The following EDIL3 variants were observed in gnomAD, a reference collection of about 807,000 sequenced individuals.
EDIL3 encodes the protein EGF-like repeat and discoidin I-like domain-containing protein 3.
In EDIL3, 37 loss-of-function variants were observed where a neutral mutation model predicts 67.4. The observed-to-expected ratio is 0.55, with a 90% CI of 0.42 to 0.72. The LOEUF (loss-of-function observed/expected upper bound fraction) is 0.72, where lower values mean the gene tolerates loss of function less well. EDIL3 is among the 30% of genes least tolerant of loss of function. The pLI, the probability that EDIL3 is intolerant of heterozygous loss-of-function variation, is 0.00. For missense variants in EDIL3, 527 were observed against 586.3 expected (o/e 0.90, Z 1.04); for synonymous variants, 195 against 196.3 (o/e 0.99, Z 0.05).
At chr5:84,170,983 T>C (rs1561452258) in intron 4 of EDIL3, among the ~76,000 whole-genome samples, 1 of 151,932 alleles carries the variant, frequency 6.6e-6, no homozygotes, top group Admixed American at 6.6e-5. Context: ...TGAGGAGAGA[T>C]GGAGTTTCAC....
chr5:84,254,551 A>ATAAT (rs1561236449), intron 1 of EDIL3, among the ~76,000 whole-genome samples: 1 of 152,184 alleles, frequency 6.6e-6, no homozygotes, highest in Non-Finnish European at 1.5e-5. Flanking sequence ...AATTACTCTA[A>ATAAT]TAAATACCTT....
chr5:84,352,255 A>G (rs775144418), intron 1 of EDIL3, among the ~76,000 whole-genome samples: 48 of 152,168 alleles, frequency 3.2e-4, no homozygotes, highest in Non-Finnish European at 5.0e-4. Context: ...AGATAGAACT[A>G]CCATTTGATC....
intron 1 of EDIL3, among the ~76,000 whole-genome samples, chr5:84,361,538 G>C (rs1375274343): frequency 1.3e-5 from 2 of 151,844 alleles, no homozygotes; most frequent in Non-Finnish European, 2.9e-5. Flanking sequence ...TTCTTTAAAA[G>C]ATTCTATTAT....
rs140401415 is a variant in EDIL3 at position 84,024,764 on chromosome 5, G to A, written c.1137+35536C>T. Among the ~76,000 whole-genome samples the A allele has an allele frequency of 3.0e-4, 45 of 151,582 alleles. No homozygotes were observed. In the East Asian group the frequency reaches 7.7e-3, roughly 26 times the overall value. ...GGTAGCTCTAGGGTTGCTTAATTCA[G>A]GGGCCCATTAGCACCCTTAAGAACA... On this transcript the variant is annotated intron_variant, in intron 9 of 10. Transcript: ENST00000296591.
At chr5:84,050,494 G>A (rs554323638) in intron 9 of EDIL3, among the ~76,000 whole-genome samples, 92 of 152,320 alleles carry the variant, frequency 6.0e-4, no homozygotes, top group East Asian at 2.7e-3. Flanking sequence ...TGCACTGAGC[G>A]TGAGCTGAAG....
chr5:84,031,428 G>T (rs1280547960), intron 9 of EDIL3, among the ~76,000 whole-genome samples: 1 of 152,126 alleles, frequency 6.6e-6, no homozygotes, highest in Non-Finnish European at 1.5e-5. Context: ...ACAAATTTTG[G>T]ATACATTTTT....
At chr5:84,284,776 A>T (rs1265480557) in intron 1 of EDIL3, among the ~76,000 whole-genome samples, 1 of 152,210 alleles carries the variant, frequency 6.6e-6, no homozygotes, top group East Asian at 1.9e-4. Context: ...TCATACTTGG[A>T]AATAGACCCT....
chr5:84,219,210 ATTC>A (rs1480999550), intron 3 of EDIL3, among the ~76,000 whole-genome samples: 4 of 152,202 alleles, frequency 2.6e-5, no homozygotes, highest in Non-Finnish European at 5.9e-5. Context: ...GATCCTGAGA[ATTC>A]TTCTGCATAT....
At chr5:84,256,824 A>C (rs1294015762) in intron 1 of EDIL3, among the ~76,000 whole-genome samples, 2 of 152,204 alleles carry the variant, frequency 1.3e-5, no homozygotes, top group Non-Finnish European at 2.9e-5. Flanking sequence ...GTCTCAAAAA[A>C]AATGATGAAG....
At chr5:84,299,876 G>C (rs1000542227) in intron 1 of EDIL3, among the ~76,000 whole-genome samples, 17 of 152,138 alleles carry the variant, frequency 1.1e-4, no homozygotes, top group African/African-American at 3.9e-4. Flanking sequence ...ATCATTATCA[G>C]CCCATAAATG....
intron 5 of EDIL3, among the ~76,000 whole-genome samples, chr5:84,132,626 T>C (rs1018218418): frequency 1.6e-5 from 2 of 122,090 alleles, no homozygotes; most frequent in Admixed American, 1.0e-4. Context: ...ACACACAGTA[T>C]ATATTGTCTA....
intron 9 of EDIL3, among the ~76,000 whole-genome samples, chr5:83,981,304 G>A (rs1164795848): frequency 6.6e-6 from 1 of 151,990 alleles, no homozygotes; most frequent in African/African-American, 2.4e-5. Flanking sequence ...ATATGTGTAT[G>A]TACATATGTA....
At position 84,242,187 on chromosome 5, in the gene EDIL3, A is replaced by G. The variant is rs890437845; in HGVS notation, c.196+11897T>C. ...GCGGAGCTTGCAGTGAGCCGAGATCACGCCACTGCACTCCAGCCTGCGCGG... is the reference window on the plus strand; with the variant it reads ...GCGGAGCTTGCAGTGAGCCGAGATCGCGCCACTGCACTCCAGCCTGCGCGG... On this transcript the variant is annotated intron_variant, in intron 2 of 10. Coordinates refer to ENST00000296591, the MANE Select transcript of EDIL3 (RefSeq NM_005711.5). Among the ~76,000 whole-genome samples, 93 of 151,750 alleles carry G rather than the reference A, an allele frequency of 6.1e-4. 1 individual carries two copies. Among genetic ancestry groups the G allele is most frequent in the Non-Finnish European group, 4.1e-4 (28 of 67,914 alleles).
chr5:84,121,965 A>C (rs545208853), intron 5 of EDIL3, among the ~76,000 whole-genome samples: 3 of 152,128 alleles, frequency 2.0e-5, no homozygotes, highest in African/African-American at 7.2e-5. Context: ...CGCATCTTAT[A>C]AAGAGCCTGG....
chr5:84,020,102 A>G (rs1367676477), intron 9 of EDIL3, among the ~76,000 whole-genome samples: 1 of 150,978 alleles, frequency 6.6e-6, no homozygotes, highest in Non-Finnish European at 1.5e-5. Context: ...CGCAACAAAC[A>G]AAACACTTTC....
chr5:84,338,455 C>A (rs1281114647), intron 1 of EDIL3, among the ~76,000 whole-genome samples: 3 of 152,290 alleles, frequency 2.0e-5, no homozygotes, highest in Non-Finnish European at 4.4e-5. Flanking sequence ...CAATCTATAG[C>A]AGAAAGAGAA....
intron 9 of EDIL3, among the ~76,000 whole-genome samples, chr5:84,033,377 T>G (rs115061242): frequency 1.4e-4 from 22 of 152,288 alleles, no homozygotes; most frequent in Non-Finnish European, 2.5e-4. Flanking sequence ...ACTTCAAAAT[T>G]GTTCTAGACA....
At chr5:84,378,923 C>T (rs549650657) in intron 1 of EDIL3, among the ~76,000 whole-genome samples, 93 of 152,208 alleles carry the variant, frequency 6.1e-4, no homozygotes, top group African/African-American at 2.1e-3. Flanking sequence ...AGTTTCACAA[C>T]GTTTCAAAGG....
intron 9 of EDIL3, among the ~76,000 whole-genome samples, chr5:84,007,155 T>C (rs1299767996): frequency 6.6e-6 from 1 of 152,124 alleles, no homozygotes; most frequent in Admixed American, 6.6e-5. Context: ...AAGATTTAAA[T>C]CTAAGATCTG....
Sources: allele counts gnomAD v4.1 joint callset (sites outside exome capture counted in the v4.1 genomes callset), GRCh38; gene constraint gnomAD v4.1.1; transcripts MANE v1.5; gene names NCBI Gene and HGNC (gene_info 2026-07-23, HGNC 2026-07-21).